DACH1: variants seen among roughly 807,000 people sequenced by gnomAD.
DACH1 encodes the protein dachshund homolog 1.
A neutral mutation model predicts 54.2 loss-of-function variants in DACH1; 12 were observed. That is an observed-to-expected ratio of 0.22 (90% confidence interval 0.14 to 0.36). DACH1 has a LOEUF of 0.36. DACH1 is among the 10% of genes least tolerant of loss of function. The probability of loss-of-function intolerance (pLI) is 1.00; values close to 1 mark genes in which losing one functional copy is unlikely to be tolerated. For synonymous variants in DACH1, 386 were observed against 366.2 expected (o/e 1.05, Z -0.62); for missense variants, 805 against 929.8 (o/e 0.87, Z 1.75).
chr13:71,652,181 A>G (rs186078889), intron 2 of DACH1, among the ~76,000 whole-genome samples: 1 of 152,220 alleles, frequency 6.6e-6, no homozygotes, highest in African/African-American at 2.4e-5. Context: ...CGAATGGAAC[A>G]GTGAGGCTGC....
intron 7 of DACH1, among the ~76,000 whole-genome samples, chr13:71,487,664 C>G (rs1878649417): frequency 6.6e-6 from 1 of 152,198 alleles, no homozygotes; most frequent in South Asian, 2.1e-4. Context: ...TAAATCCTCA[C>G]TGACCTGGTT....
intron 1 of DACH1, among the ~76,000 whole-genome samples, chr13:71,732,324 C>T (rs918148420): frequency 3.9e-5 from 6 of 152,086 alleles, no homozygotes; most frequent in African/African-American, 1.4e-4. Flanking sequence ...GTGGCTCACA[C>T]CTGTAATCCC....
intron 10 of DACH1, among the ~76,000 whole-genome samples, chr13:71,474,348 A>G (rs576835011): frequency 2.8e-4 from 43 of 152,274 alleles, no homozygotes; most frequent in African/African-American, 1.0e-3. Flanking sequence ...GAATAAAAGC[A>G]ATTGGGAGGA....
At chr13:71,730,932 G>A (rs1883712688) in intron 1 of DACH1, among the ~76,000 whole-genome samples, 1 of 151,446 alleles carries the variant, frequency 6.6e-6, no homozygotes, top group South Asian at 2.1e-4. Context: ...AGACTCTTAA[G>A]GCATTCAAAG....
intron 3 of DACH1, among the ~76,000 whole-genome samples, chr13:71,600,047 A>C (rs552694692): frequency 2.0e-5 from 3 of 152,264 alleles, no homozygotes; most frequent in South Asian, 2.1e-4. Context: ...TGAATGTCTT[A>C]ATCAGTTATT....
At chr13:71,814,945 G>T (rs935860354) in intron 1 of DACH1, among the ~76,000 whole-genome samples, 1 of 152,120 alleles carries the variant, frequency 6.6e-6, no homozygotes, top group Non-Finnish European at 1.5e-5. Context: ...CAAGTTGGGG[G>T]AAATTAAGCA....
In DACH1 at chr13:71,440,634, G is replaced by T; in HGVS notation, c.*21C>A. The T allele has an allele frequency of 6.3e-7, 1 of 1,585,462 alleles. No individual in the cohort carries two copies. ...CTGCAAAGTTCTTTTCTATAACATG[G>T]ATTTCTTCAACAGGAAAGATTCAGT... On this transcript the variant is annotated 3_prime_UTR_variant, in exon 11 of 11. Coordinates refer to ENST00000613252, the MANE Select transcript of DACH1 (RefSeq NM_080759.6).
intron 3 of DACH1, among the ~76,000 whole-genome samples, chr13:71,590,793 G>A (rs535948580): frequency 6.6e-6 from 1 of 151,188 alleles, no homozygotes; most frequent in South Asian, 2.1e-4. Context: ...GCCTTCCTGA[G>A]AGCATCATAT....
At chr13:71,840,841 T>C (rs1872790982) in intron 1 of DACH1, among the ~76,000 whole-genome samples, 1 of 152,206 alleles carries the variant, frequency 6.6e-6, no homozygotes, top group Non-Finnish European at 1.5e-5. Flanking sequence ...ATTTCCAAGA[T>C]GGATGTGATG....
chr13:71,802,671 G>A (rs2138128564), intron 1 of DACH1, among the ~76,000 whole-genome samples: 1 of 151,824 alleles, frequency 6.6e-6, no homozygotes, highest in South Asian at 2.1e-4. Flanking sequence ...AAACAAAGAA[G>A]GTCTAATAAC....
At chr13:71,682,405 G>A (rs1413003879) in intron 1 of DACH1, among the ~76,000 whole-genome samples, 1 of 152,162 alleles carries the variant, frequency 6.6e-6, no homozygotes, top group African/African-American at 2.4e-5. Flanking sequence ...ACAGTTAGCT[G>A]GGAGGTGGAA....
At chr13:71,514,650 G>A (rs1303514563) in intron 6 of DACH1, among the ~76,000 whole-genome samples, 1 of 151,540 alleles carries the variant, frequency 6.6e-6, no homozygotes, top group Non-Finnish European at 1.5e-5. Context: ...TTCATAAATT[G>A]CCACAAAAAC....
intron 6 of DACH1, among the ~76,000 whole-genome samples, chr13:71,500,045 A>T (rs1181279926): frequency 1.3e-5 from 2 of 152,200 alleles, no homozygotes; most frequent in African/African-American, 4.8e-5. Flanking sequence ...GAAAGAAAAA[A>T]AAAAGTAGAC....
intron 1 of DACH1, among the ~76,000 whole-genome samples, chr13:71,779,165 ACG>A (rs201742488): frequency 1.2e-5 from 1 of 80,828 alleles, no homozygotes; most frequent in African/African-American, 4.9e-5. Context: ...ATACGTATAT[ACG>A]TATATATATA....
At chr13:71,612,569 G>C (rs968742511) in intron 3 of DACH1, among the ~76,000 whole-genome samples, 2 of 152,014 alleles carry the variant, frequency 1.3e-5, no homozygotes, top group Non-Finnish European at 2.9e-5. Flanking sequence ...TTCATTACAC[G>C]ACCTTAAAAG....
chr13:71,811,993 A>T (rs1594250125), intron 1 of DACH1, among the ~76,000 whole-genome samples: 1 of 152,136 alleles, frequency 6.6e-6, no homozygotes, highest in African/African-American at 2.4e-5. Flanking sequence ...ATGTATTTGA[A>T]ATCTTTTAAA....
At chr13:71,839,652 C>A (rs962585970) in intron 1 of DACH1, among the ~76,000 whole-genome samples, 1 of 152,022 alleles carries the variant, frequency 6.6e-6, no homozygotes, top group Admixed American at 6.5e-5. Context: ...AAGGAGTTCA[C>A]ACCAAAATCT....
At chr13:71,795,196 TG>T (rs1397367284) in intron 1 of DACH1, among the ~76,000 whole-genome samples, 9 of 149,820 alleles carry the variant, frequency 6.0e-5, no homozygotes, top group South Asian at 4.3e-4. Context: ...TGTTTTTTTT[TG>T]TTTGTTTGTT....
chr13:71,647,097 A>G (rs1878334578), intron 2 of DACH1, among the ~76,000 whole-genome samples: 1 of 152,250 alleles, frequency 6.6e-6, no homozygotes, highest in Non-Finnish European at 1.5e-5. Flanking sequence ...TTTACTTAGC[A>G]TCTGTCATTT....
Sources: allele counts gnomAD v4.1 joint callset (sites outside exome capture counted in the v4.1 genomes callset), GRCh38; gene constraint gnomAD v4.1.1; transcripts MANE v1.5; gene names NCBI Gene and HGNC (gene_info 2026-07-23, HGNC 2026-07-21).